The following MAPK8IP3 variants were observed in gnomAD, a reference collection of about 807,000 sequenced individuals.
MAPK8IP3 encodes mitogen-activated protein kinase 8 interacting protein 3, also known as C-Jun-amino-terminal kinase-interacting protein 3.
A neutral mutation model predicts 157.8 loss-of-function variants in MAPK8IP3; 49 were observed. That is an observed-to-expected ratio of 0.31 (90% CI 0.25 to 0.39). The LOEUF (loss-of-function observed/expected upper bound fraction) is 0.39. MAPK8IP3 is among the 10% of genes least tolerant of loss of function. The probability of loss-of-function intolerance (pLI) is 1.00; values close to 1 mark genes in which losing one functional copy is unlikely to be tolerated. For synonymous variants in MAPK8IP3, 897 were observed against 777.7 expected (o/e 1.15, Z -2.55); for missense variants, 1,478 against 1,889.4 (o/e 0.78, Z 4.04).
chr16:1,743,353 C>T lies in MAPK8IP3; in HGVS notation c.624C>T (p.Ser208=). ...PGRSRKERPT[S]LNVFPLADGT... is the part of the protein sequence containing the mutation. The stretch of plus-strand genomic sequence containing the variant: ...TCAGCAGGAAGGAGCGCCCCACCTC[C>T]CTGAACGTGTTCCCCCTGGCTGACG... The change falls in exon 5 of 32, where the codon TCC becomes TCT. Residue 208 remains serine, a synonymous_variant. Coordinates refer to ENST00000610761, the MANE Select transcript of MAPK8IP3 (RefSeq NM_001318852.2). The surrounding 1 kb of genome is among the most constrained non-coding windows in gnomAD (Gnocchi z 5.6). 3 of 1,574,956 alleles carry T rather than the reference C, an allele frequency of 1.9e-6. No homozygotes were observed. Among genetic ancestry groups the T allele is most frequent in the Non-Finnish European group, 2.6e-6 (3 of 1,164,168 alleles).
chr16:1,754,173 C>CA lies in MAPK8IP3; in HGVS notation c.1217-3960dup, dbSNP rs11296984. Among the ~76,000 whole-genome samples, 786 of 123,140 alleles carry CA rather than the reference C, an allele frequency of 6.4e-3. 6 individuals carry two copies. The highest frequency in any genetic ancestry group is 0.012 in the African/African-American group (405 of 34,154). 80.8% of individuals were successfully genotyped at this position (123,140 alleles called of 152,430 possible). A position where few individuals can be genotyped will look rare whatever the true frequency, so the allele number is the denominator to read the frequency against. The stretch of plus-strand genomic sequence containing the variant: ...GGGCAGTAAGAGCGAAACTCTGTCT[C>CA]AAAAAAAAAAAAAAATTGGCCTAAT... On this transcript the variant is annotated intron_variant, in intron 8 of 31. Transcript: ENST00000610761.
chr16:1,765,729 T>C (rs572379751), intron 20 of MAPK8IP3, among the ~76,000 whole-genome samples: 1 of 152,308 alleles, frequency 6.6e-6, no homozygotes, highest in African/African-American at 2.4e-5. Flanking sequence ...AGAGTCTTAC[T>C]ACTCAGCTCC....
In MAPK8IP3 at chr16:1,724,939, C is replaced by A. The variant is rs2038770132; in HGVS notation, c.439+262C>A. On this transcript the variant is annotated intron_variant, in intron 2 of 31. Transcript: ENST00000610761. The surrounding 1 kb of genome is among the most constrained non-coding windows in gnomAD (Gnocchi z 4.1). ...GAATTCTGACCCCCAGATCACAAGT[C>A]TGTGGTCCTGAAGGTCCTTCCTGAA... 1.3e-5 allele frequency among the ~76,000 whole-genome samples: 2 copies of A among 152,184 alleles called. No homozygotes were observed. The highest frequency in any genetic ancestry group is 4.8e-5 in the African/African-American group (2 of 41,462).
chr16:1,737,879 C>A lies in MAPK8IP3; in HGVS notation c.603-5453C>A, dbSNP rs573054961. Among the ~76,000 whole-genome samples the A allele has an allele frequency of 6.4e-5, 4 of 62,466 alleles. 1 individual carries two copies. The Admixed American group carries it at 7.6e-4, about 12-fold the overall frequency. 41.0% of individuals were successfully genotyped at this position (62,466 alleles called of 152,430 possible). On this transcript the variant is annotated intron_variant, in intron 4 of 31. Transcript: ENST00000610761. ...CCATGTGAGCATCTGTGTGACCGTC[C>A]GTGTGAGCATCCGTGTGAGCGTGTG... is the stretch of plus-strand genomic sequence containing the variant.
At chr16:1,754,496 G>A (rs931030370) in intron 8 of MAPK8IP3, among the ~76,000 whole-genome samples, 2 of 152,116 alleles carry the variant, frequency 1.3e-5, no homozygotes, top group Admixed American at 6.5e-5. Flanking sequence ...CAAATAGGCC[G>A]GGCACAGTGG....
At position 1,765,945 on chromosome 16, in the gene MAPK8IP3, C is replaced by A; in HGVS notation, c.2447-15C>A. The A allele has an allele frequency of 1.9e-6, 3 of 1,599,396 alleles. No individual in the cohort carries two copies. The highest frequency in any genetic ancestry group is 2.6e-6 in the Non-Finnish European group (3 of 1,171,582). ...GGTTCCCCCGCACAGGCTGACGGGC[C>A]GTCCCTCTCCCCAGCGGCCAGCGAC... On this transcript the variant is annotated splice_polypyrimidine_tract_variant and intron_variant, in intron 20 of 31. Transcript: ENST00000610761.
chr16:1,770,280 A>C lies in MAPK8IP3; in HGVS notation c.*1456A>C, dbSNP rs568443369. On this transcript the variant is annotated 3_prime_UTR_variant, in exon 32 of 32. Transcript: ENST00000610761. The stretch of plus-strand genomic sequence containing the variant: ...GCTTTGGCCCTGCAAGCAAACCCAC[A>C]TATCTGCTCTGTATGTAATAAATGT... 1 of 199,288 alleles carries C rather than the reference A, an allele frequency of 5.0e-6. No homozygotes were observed. The highest frequency in any genetic ancestry group is 1.0e-5 in the Non-Finnish European group (1 of 99,408). The allele number at this position is 199,288 out of a possible 1,614,324, so 12.3% of individuals were successfully genotyped here.
Position 1,741,913 on chromosome 16 carries a change from T to C in MAPK8IP3, c.603-1419T>C, listed in dbSNP as rs1268957794. ...CCCACAAAGAGACCCCTTCCCAGGG[T>C]CATTCTTCATAGCTCCCCACCCAGG... On this transcript the variant is annotated intron_variant, in intron 4 of 31. Coordinates refer to ENST00000610761, the MANE Select transcript of MAPK8IP3 (RefSeq NM_001318852.2). The surrounding 1 kb of genome is among the most constrained non-coding windows in gnomAD (Gnocchi z 6.9). 6.6e-6 allele frequency among the ~76,000 whole-genome samples: 1 copy of C among 151,874 alleles called. No individual in the cohort carries two copies. The highest frequency in any genetic ancestry group is 1.9e-4 in the East Asian group (1 of 5,166).
At chr16:1,739,587 TGTGTGACCGTCCGTGTGAGCTTCC>T (rs1274627207) in intron 4 of MAPK8IP3, among the ~76,000 whole-genome samples, 2 of 107,358 alleles carry the variant, frequency 1.9e-5, no homozygotes, top group African/African-American at 3.7e-5. Context: ...TGACCGTCCG[TGTGTGACCGTCCGTGTGAGCTTCC>T]GTGTGACCGT....
chr16:1,749,854 C>T (rs986007177), intron 8 of MAPK8IP3, among the ~76,000 whole-genome samples: 10 of 152,168 alleles, frequency 6.6e-5, no homozygotes, highest in Non-Finnish European at 1.5e-4. Context: ...ACCAGCAGGG[C>T]CTCACCCTGA....
At chr16:1,731,298 A>G (rs2039302776) in intron 4 of MAPK8IP3, among the ~76,000 whole-genome samples, 1 of 152,250 alleles carries the variant, frequency 6.6e-6, no homozygotes. Context: ...ACTGCACTCC[A>G]GCCTGGGTGG....
chr16:1,756,811 G>C (rs1027341100), intron 8 of MAPK8IP3, among the ~76,000 whole-genome samples: 9 of 152,100 alleles, frequency 5.9e-5, no homozygotes, highest in African/African-American at 2.2e-4. Flanking sequence ...AACAGAGTGA[G>C]ACCCCGTCTC....
chr16:1,768,683 C>A lies in MAPK8IP3; in HGVS notation c.3893-20C>A. The A allele has an allele frequency of 6.2e-7, 1 of 1,611,602 alleles. No homozygotes were observed. Among genetic ancestry groups the A allele is most frequent in the Non-Finnish European group, 8.5e-7 (1 of 1,179,274 alleles). On this transcript the variant is annotated intron_variant, in intron 31 of 31. Transcript: ENST00000610761. Reference sequence around the variant, plus strand: ...GGGCGCGGGGGGAGCCTGGCCGTCACTCTGCTGCTTTGCCCGCAGGAGACG... The same window carrying A: ...GGGCGCGGGGGGAGCCTGGCCGTCAATCTGCTGCTTTGCCCGCAGGAGACG...
chr16:1,727,632 A>G (rs1331300909), intron 2 of MAPK8IP3, among the ~76,000 whole-genome samples: 1 of 151,576 alleles, frequency 6.6e-6, no homozygotes, highest in African/African-American at 2.4e-5. Context: ...GAGGTGCTGT[A>G]TCTGAGTCAC....
At chr16:1,739,294 C>T (rs117326823) in intron 4 of MAPK8IP3, among the ~76,000 whole-genome samples, 1 of 83,194 alleles carries the variant, frequency 1.2e-5, no homozygotes. Flanking sequence ...CCATGTGAGC[C>T]TGTGACCGTC....
intron 1 of MAPK8IP3, among the ~76,000 whole-genome samples, chr16:1,719,391 T>G (rs2038367907): frequency 6.6e-6 from 1 of 152,070 alleles, no homozygotes; most frequent in South Asian, 2.1e-4. Flanking sequence ...TGATTCAAAA[T>G]GATTCTCAAA....
intron 13 of MAPK8IP3, among the ~76,000 whole-genome samples, chr16:1,761,924 G>C (rs534531707): frequency 6.6e-6 from 1 of 152,268 alleles, no homozygotes; most frequent in African/African-American, 2.4e-5. Context: ...TCTCTGTACA[G>C]AATCAGTATA....
intron 1 of MAPK8IP3, among the ~76,000 whole-genome samples, chr16:1,722,870 T>C (rs779690671): frequency 3.3e-5 from 5 of 150,806 alleles, no homozygotes; most frequent in Non-Finnish European, 5.9e-5. Context: ...CCTGGCTAAT[T>C]TGTTGTATTT....
chr16:1,768,395 C>G lies in MAPK8IP3; in HGVS notation c.3742+17C>G. 6.3e-7 allele frequency: 1 copy of G among 1,598,370 alleles called. No individual in the cohort carries two copies. The highest frequency in any genetic ancestry group is 8.5e-7 in the Non-Finnish European group (1 of 1,178,806). On this transcript the variant is annotated intron_variant, in intron 30 of 31. Transcript: ENST00000610761. ...CGGTGCCAGGTGAGGCTGGGCCCCT[C>G]CTGCCATCCACATCCCCTGCATGCC...
Sources: allele counts gnomAD v4.1 joint callset (sites outside exome capture counted in the v4.1 genomes callset), GRCh38; gene constraint gnomAD v4.1.1; non-coding constraint Gnocchi (gnomAD v3.1); transcripts MANE v1.5; gene names NCBI Gene and HGNC (gene_info 2026-07-23, HGNC 2026-07-21).